CTNS: variants seen among roughly 807,000 people sequenced by gnomAD.
CTNS encodes cystinosin.
Under a neutral mutation model 43.7 loss-of-function variants are expected in CTNS, and 27 were observed. The ratio of observed to expected loss-of-function variants is 0.62; its 90% CI spans 0.46 to 0.85. CTNS has a LOEUF of 0.85. CTNS is among the 40% of genes least tolerant of loss of function. The pLI, the probability that CTNS is intolerant of heterozygous loss-of-function variation, is 0.00. For synonymous variants in CTNS, 187 were observed against 190.6 expected (o/e 0.98, Z 0.16); for missense variants, 457 against 475.4 (o/e 0.96, Z 0.36).
intron 4 of CTNS, 84 bp downstream of exon 4, chr17:3,647,606 A>G (rs1265248158): frequency 1.7e-6 from 2 of 1,172,692 alleles, no homozygotes; most frequent in African/African-American, 3.0e-5. Flanking sequence ...CAGTCTGTTC[A>G]GATTTCAGAT....
intron 4 of CTNS, 72 bp downstream of exon 4, chr17:3,647,594 C>A: frequency 7.5e-7 from 1 of 1,337,902 alleles, no homozygotes; most frequent in Non-Finnish European, 1.1e-6. Context: ...TGACCCCTGG[C>A]TCAGTCTGTT....
intron 3 of CTNS, among the ~76,000 whole-genome samples, chr17:3,644,046 G>GA (rs1281458851): frequency 2.6e-5 from 4 of 152,140 alleles, no homozygotes; most frequent in Non-Finnish European, 4.4e-5. Flanking sequence ...TTGTAAATCT[G>GA]ATACAATGTA....
intron 4 of CTNS, 142 bp downstream of exon 4, chr17:3,647,664 T>C: frequency 1.3e-6 from 1 of 781,906 alleles, no homozygotes; most frequent in Non-Finnish European, 2.2e-6. Context: ...GAAAAAGGGA[T>C]GGTGCTAGCC....
chr17:3,655,486 C>A, intron 7 of CTNS, 134 bp downstream of exon 7: 1 of 1,392,246 alleles, frequency 7.2e-7, no homozygotes, highest in Non-Finnish European at 1.0e-6. Context: ...GAAAGTTGTC[C>A]CAGTGCGAAG....
chr17:3,644,906 C>T (rs978657079), intron 3 of CTNS, among the ~76,000 whole-genome samples: 1 of 152,210 alleles, frequency 6.6e-6, no homozygotes, highest in South Asian at 2.1e-4. Flanking sequence ...CGGCCCTCAA[C>T]CTCCTATATG....
At chr17:3,659,362 C>T (rs576413791) in intron 10 of CTNS, among the ~76,000 whole-genome samples, 12 of 152,308 alleles carry the variant, frequency 7.9e-5, no homozygotes, top group African/African-American at 1.7e-4. Context: ...GCTCTACAGA[C>T]GGGGAAACCA....
chr17:3,649,599 A>T (rs979819531), intron 5 of CTNS, among the ~76,000 whole-genome samples: 2 of 152,194 alleles, frequency 1.3e-5, no homozygotes, highest in Non-Finnish European at 2.9e-5. Flanking sequence ...CACTAGCAAG[A>T]TCCCCAAATG....
chr17:3,649,631 T>G (rs917731339), intron 5 of CTNS, among the ~76,000 whole-genome samples: 6 of 152,144 alleles, frequency 3.9e-5, no homozygotes, highest in African/African-American at 1.4e-4. Flanking sequence ...CATTAAGGTT[T>G]GTGAAGCCTC....
chr17:3,658,504 C>T (rs1269499446), intron 10 of CTNS, among the ~76,000 whole-genome samples: 2 of 152,214 alleles, frequency 1.3e-5, no homozygotes, highest in Non-Finnish European at 1.5e-5. Context: ...ATTTCCACAG[C>T]AGGACACTCT....
rs765115230 is a variant in CTNS, at chr17:3,660,749, G to A, written c.*380G>A. ...TGAAGGGCTGACCTTGCAGCCGGGT[G>A]AGCCAAGGGCACTTTGCTGCCACCG... On this transcript the variant is annotated 3_prime_UTR_variant, in exon 12 of 12. Transcript: ENST00000046640. 10 of 1,613,282 alleles carry A rather than the reference G, an allele frequency of 6.2e-6. No homozygotes were observed. The highest frequency in any genetic ancestry group is 2.2e-5 in the East Asian group (1 of 44,874).
rs1198120476 is a variant in CTNS at position 3,659,842 on chromosome 17, CGTCT to C, written c.853-10_853-7del. 1.6e-5 allele frequency: 25 copies of C among 1,596,530 alleles called. No individual in the cohort carries two copies. The highest frequency in any genetic ancestry group is 2.1e-5 in the Non-Finnish European group (25 of 1,164,292). On this transcript the variant is annotated splice_polypyrimidine_tract_variant and intron_variant, in intron 10 of 11. Coordinates refer to ENST00000046640, the MANE Select transcript of CTNS (RefSeq NM_004937.3). Reference sequence around the variant, plus strand: ...CCTCACCGCCCTCCGTCTGTCTGTCCGTCTGTCTGGCCCAGGCCTACATGAACTT... The same window carrying C: ...CCTCACCGCCCTCCGTCTGTCTGTCCGTCTGGCCCAGGCCTACATGAACTT...
intron 3 of CTNS, among the ~76,000 whole-genome samples, chr17:3,647,184 A>G (rs1481800250): frequency 6.6e-6 from 1 of 152,202 alleles, no homozygotes; most frequent in Non-Finnish European, 1.5e-5. Flanking sequence ...ACTCAGCCGC[A>G]GACTCTCAGA....
chr17:3,661,752 C>T lies in CTNS; in HGVS notation c.*1383C>T, dbSNP rs886052877. On this transcript the variant is annotated 3_prime_UTR_variant, in exon 12 of 12. Coordinates refer to ENST00000046640, the MANE Select transcript of CTNS (RefSeq NM_004937.3). Reference sequence around the variant, plus strand: ...CAGTCTCCCAGGCTCCGTGTCTTCACGGTTACCAGGGCACGCCACTCAATC... The same window carrying T: ...CAGTCTCCCAGGCTCCGTGTCTTCATGGTTACCAGGGCACGCCACTCAATC... 4.6e-5 allele frequency among the ~76,000 whole-genome samples: 7 copies of T among 152,228 alleles called. No individual in the cohort carries two copies. The highest frequency in any genetic ancestry group is 7.3e-5 in the Non-Finnish European group (5 of 68,038).
chr17:3,641,566 T>C (rs1214891362), intron 3 of CTNS, among the ~76,000 whole-genome samples: 2 of 151,186 alleles, frequency 1.3e-5, no homozygotes, highest in Non-Finnish European at 2.9e-5. Context: ...TAGTTTTTTG[T>C]ATTTTTAGTA....
chr17:3,644,143 T>C (rs1236563709), intron 3 of CTNS, among the ~76,000 whole-genome samples: 3 of 152,256 alleles, frequency 2.0e-5, no homozygotes, highest in African/African-American at 4.8e-5. Flanking sequence ...ATGATAATAA[T>C]AGTAACAATT....
chr17:3,646,741 G>A (rs1168028993), intron 3 of CTNS, among the ~76,000 whole-genome samples: 8 of 152,086 alleles, frequency 5.3e-5, no homozygotes, highest in South Asian at 2.1e-4. Context: ...CCAGCCCCAC[G>A]ATGGTTTTCT....
chr17:3,658,007 C>T lies in CTNS; in HGVS notation c.684C>T (p.Arg228=), dbSNP rs762346133. The change falls in exon 10 of 12, where the codon CGC becomes CGT. Residue 228 remains arginine, a splice_region_variant and synonymous_variant. Coordinates refer to ENST00000046640, the MANE Select transcript of CTNS (RefSeq NM_004937.3). ...CTCTGCCCTCCTCTCGCCCCCAGCG[C>T]GGTGGCCAGCGCGTGTCCTGGCCTG... is the stretch of plus-strand genomic sequence containing the variant. The part of the protein sequence containing the change: ...IIIVQCCLYE[R]GGQRVSWPAI... The T allele has an allele frequency of 1.1e-4, 178 of 1,608,998 alleles. No homozygotes were observed. The highest frequency in any genetic ancestry group is 2.2e-4 in the Middle Eastern group (1 of 4,474).
At position 3,661,865 on chromosome 17, in the gene CTNS, C is replaced by G. The variant is rs1437581093; in HGVS notation, c.*1496C>G. ...GGGGGTCTTATTCTCCAGACGCTTC[C>G]TCTATCTAGTTGTAACAAACGTCAA... On this transcript the variant is annotated 3_prime_UTR_variant, in exon 12 of 12. Coordinates refer to ENST00000046640, the MANE Select transcript of CTNS (RefSeq NM_004937.3). 6.6e-6 allele frequency among the ~76,000 whole-genome samples: 1 copy of G among 152,190 alleles called. No homozygotes were observed. Among genetic ancestry groups the G allele is most frequent in the African/African-American group, 2.4e-5 (1 of 41,454 alleles).
intron 11 of CTNS, 70 bp from the exon 12 acceptor site, chr17:3,660,166 A>G: frequency 6.2e-7 from 1 of 1,607,112 alleles, no homozygotes; most frequent in Non-Finnish European, 8.5e-7. Flanking sequence ...ACCGCCCACC[A>G]CCCCACAAGC....
Sources: gnomAD v4.1 joint callset for allele counts (sites outside exome capture counted in the v4.1 genomes callset) on GRCh38, gnomAD v4.1.1 for gene constraint, MANE v1.5 for transcripts, NCBI Gene and HGNC (gene_info 2026-07-23, HGNC 2026-07-21) for gene names.